Variants in ARHGAP18 observed in about 807,000 individuals in gnomAD.
ARHGAP18 encodes the protein Rho GTPase activating protein 18.
In ARHGAP18, 67 loss-of-function variants were observed where a neutral mutation model predicts 86.2. That is an observed-to-expected ratio of 0.78 (90% CI 0.64 to 0.95). The LOEUF (loss-of-function observed/expected upper bound fraction) is 0.95. Ranked by LOEUF, ARHGAP18 falls within the 40% of genes least tolerant of loss-of-function variation. ARHGAP18 has a pLI of 0.00. For synonymous variants in ARHGAP18, 283 were observed against 280.4 expected (o/e 1.01, Z -0.09); for missense variants, 691 against 780.4 (o/e 0.89, Z 1.37).
In ARHGAP18 at chr6:129,620,574, T is replaced by C. The variant is rs1335602839; in HGVS notation, c.787-1722A>G. Among the ~76,000 whole-genome samples, 3 of 152,248 alleles carry C rather than the reference T, an allele frequency of 2.0e-5. No homozygotes were observed. In the East Asian group the frequency reaches 5.8e-4, roughly 29 times the overall value. On this transcript the variant is annotated intron_variant, in intron 5 of 14. Transcript: ENST00000368149. ...TAATACAAATTACAATTCCATTGTGTTTACCTATTACTAAAACTGATCATT... is the reference window on the plus strand; with the variant it reads ...TAATACAAATTACAATTCCATTGTGCTTACCTATTACTAAAACTGATCATT...
chr6:129,674,655 T>C (rs1178987952), intron 1 of ARHGAP18, among the ~76,000 whole-genome samples: 2 of 152,222 alleles, frequency 1.3e-5, no homozygotes, highest in African/African-American at 2.4e-5. Flanking sequence ...CTAGAGATGA[T>C]CTAAACTATA....
chr6:129,692,467 A>G lies in ARHGAP18; in HGVS notation c.113+17557T>C, dbSNP rs571468835. ...ATTTGCCTGGGTACGGAGAAATGAT[A>G]TCATGTCAAGGTGGTTAAACAGGCA... On this transcript the variant is annotated intron_variant, in intron 1 of 14. Transcript: ENST00000368149. Among the ~76,000 whole-genome samples the G allele has an allele frequency of 2.0e-5, 3 of 152,324 alleles. No individual in the cohort carries two copies. The South Asian group carries it at 6.2e-4, about 32-fold the overall frequency.
chr6:129,692,057 CTTCCATAATTGT>C, intron 1 of ARHGAP18, among the ~76,000 whole-genome samples: 1 of 152,168 alleles, frequency 6.6e-6, no homozygotes, highest in Non-Finnish European at 1.5e-5. Flanking sequence ...CTGCCCTTTC[CTTCCATAATTGT>C]TCTCCTCTTC....
intron 5 of ARHGAP18, among the ~76,000 whole-genome samples, chr6:129,620,869 C>G (rs1789213425): frequency 1.3e-5 from 2 of 152,190 alleles, no homozygotes; most frequent in African/African-American, 4.8e-5. Flanking sequence ...GCCTTTTACA[C>G]TCTCATTCTC....
intron 1 of ARHGAP18, among the ~76,000 whole-genome samples, chr6:129,709,604 C>G (rs1348816775): frequency 6.6e-6 from 1 of 152,244 alleles, no homozygotes; most frequent in East Asian, 1.9e-4. Context: ...ACAGCTTGTA[C>G]AGTACAGTGA....
chr6:129,655,382 C>A (rs574574742), intron 1 of ARHGAP18, among the ~76,000 whole-genome samples: 1 of 146,370 alleles, frequency 6.8e-6, no homozygotes, highest in East Asian at 2.0e-4. Flanking sequence ...CCTGTAGAGA[C>A]CATAAAGTTA....
intron 1 of ARHGAP18, among the ~76,000 whole-genome samples, chr6:129,646,614 G>A (rs116226505): frequency 6.6e-6 from 1 of 152,140 alleles, no homozygotes; most frequent in African/African-American, 2.4e-5. Context: ...CATTAAAAAG[G>A]CCATTTTTCA....
At chr6:129,581,745 G>C (rs901762768) in intron 13 of ARHGAP18, among the ~76,000 whole-genome samples, 1 of 152,110 alleles carries the variant, frequency 6.6e-6, no homozygotes, top group Non-Finnish European at 1.5e-5. Context: ...TTCAGTTGAC[G>C]AGGTGGGGGA....
intron 12 of ARHGAP18, among the ~76,000 whole-genome samples, chr6:129,589,246 A>C (rs1788462999): frequency 1.3e-5 from 2 of 152,226 alleles, no homozygotes; most frequent in South Asian, 4.1e-4. Context: ...AATTTTCCAA[A>C]CTTTTATGTT....
At chr6:129,693,979 A>G (rs1263391758) in intron 1 of ARHGAP18, among the ~76,000 whole-genome samples, 1 of 152,364 alleles carries the variant, frequency 6.6e-6, no homozygotes, top group East Asian at 1.9e-4. Context: ...AATTTTGTAG[A>G]AGTATTTACT....
intron 8 of ARHGAP18, 102 bp from the exon 9 acceptor site, chr6:129,608,154 GC>G: frequency 7.4e-7 from 1 of 1,345,974 alleles, no homozygotes; most frequent in Non-Finnish European, 9.7e-7. Context: ...AAGAGACTCT[GC>G]TCTTTAGACA....
intron 12 of ARHGAP18, among the ~76,000 whole-genome samples, chr6:129,588,700 T>G (rs1788450249): frequency 6.6e-6 from 1 of 152,206 alleles, no homozygotes; most frequent in African/African-American, 2.4e-5. Flanking sequence ...GGACTCTGTG[T>G]GGGGGCTCCA....
chr6:129,701,024 G>A (rs1043559864), intron 1 of ARHGAP18, among the ~76,000 whole-genome samples: 17 of 149,386 alleles, frequency 1.1e-4, no homozygotes, highest in Admixed American at 8.0e-4. Flanking sequence ...GACAGGCAAA[G>A]TTCTCACCCT....
At chr6:129,650,690 G>A (rs1333153598) in intron 1 of ARHGAP18, among the ~76,000 whole-genome samples, 1 of 152,200 alleles carries the variant, frequency 6.6e-6, no homozygotes, top group African/African-American at 2.4e-5. Flanking sequence ...TCTATTATCT[G>A]TCACCATGAC....
intron 1 of ARHGAP18, among the ~76,000 whole-genome samples, chr6:129,686,289 T>A (rs57174971): frequency 0.1 from 15,672 of 152,154 alleles, 936 homozygotes; most frequent in East Asian, 0.23. Flanking sequence ...CTCAGCCACT[T>A]TCTCCTTTGC....
chr6:129,659,811 A>G (rs1773913907), intron 1 of ARHGAP18, among the ~76,000 whole-genome samples: 1 of 152,230 alleles, frequency 6.6e-6, no homozygotes, highest in Non-Finnish European at 1.5e-5. Context: ...GGTAAGTGCT[A>G]TGGAAGCACA....
chr6:129,707,441 C>T (rs1011420605), intron 1 of ARHGAP18, among the ~76,000 whole-genome samples: 1 of 151,954 alleles, frequency 6.6e-6, no homozygotes, highest in Admixed American at 6.6e-5. Flanking sequence ...GGAGGAAATG[C>T]AGAATCTAAT....
intron 1 of ARHGAP18, among the ~76,000 whole-genome samples, chr6:129,704,733 A>C (rs1370966477): frequency 6.6e-6 from 1 of 151,886 alleles, no homozygotes; most frequent in Non-Finnish European, 1.5e-5. Context: ...CTGCTTCTAC[A>C]CTCTATAATC....
chr6:129,672,525 A>G (rs1427354593), intron 1 of ARHGAP18, among the ~76,000 whole-genome samples: 2 of 151,750 alleles, frequency 1.3e-5, no homozygotes, highest in African/African-American at 2.4e-5. Context: ...AGTGTGACGT[A>G]TATTAAGTTC....
Sources: allele counts gnomAD v4.1 joint callset (sites outside exome capture counted in the v4.1 genomes callset), GRCh38; gene constraint gnomAD v4.1.1; transcripts MANE v1.5; gene names NCBI Gene and HGNC (gene_info 2026-07-23, HGNC 2026-07-21).